The following ITPR1 variants were observed in gnomAD, a reference collection of about 807,000 sequenced individuals.
ITPR1 encodes inositol 1,4,5-trisphosphate receptor type 1, also known as inositol 1,4,5-trisphosphate-gated calcium channel ITPR1.
ITPR1 carries 96 observed loss-of-function variants against 318.4 expected under a neutral mutation model. That is an observed-to-expected ratio of 0.30 (90% CI 0.26 to 0.36). The LOEUF (loss-of-function observed/expected upper bound fraction) is 0.36. Ranked by LOEUF, ITPR1 falls within the 10% of genes least tolerant of loss-of-function variation. The pLI is 1.00. For missense variants in ITPR1, 2,440 were observed against 3,460.2 expected (o/e 0.71, Z 7.40); for synonymous variants, 1,312 against 1,289.9 (o/e 1.02, Z -0.37).
At chr3:4,603,243 T>G (rs2091433873) in intron 4 of ITPR1, among the ~76,000 whole-genome samples, 2 of 152,042 alleles carry the variant, frequency 1.3e-5, no homozygotes, top group African/African-American at 4.8e-5. Flanking sequence ...TTTTTAAAAT[T>G]TCAACTTTTA....
chr3:4,738,288 T>C (rs562890172), intron 44 of ITPR1, among the ~76,000 whole-genome samples: 1 of 152,354 alleles, frequency 6.6e-6, no homozygotes, highest in African/African-American at 2.4e-5. Flanking sequence ...ACCTATGTTA[T>C]ATGTCAATCA....
At position 4,704,835 on chromosome 3, in the gene ITPR1, C is replaced by T. The variant is rs545193262; in HGVS notation, c.4658-1332C>T. 2.0e-5 allele frequency among the ~76,000 whole-genome samples: 3 copies of T among 152,176 alleles called. No individual in the cohort carries two copies. In the South Asian group the frequency reaches 6.2e-4, roughly 32 times the overall value. ...GGTCGCTTCCTCATGACTAATACCA[C>T]ACCCAGAACCCACTGTGTTAGTTGT... On this transcript the variant is annotated intron_variant, in intron 36 of 61. Coordinates refer to ENST00000649015, the MANE Select transcript of ITPR1 (RefSeq NM_001378452.1).
intron 60 of ITPR1, among the ~76,000 whole-genome samples, chr3:4,828,115 T>C (rs2050201812): frequency 6.6e-6 from 1 of 152,016 alleles, no homozygotes; most frequent in Non-Finnish European, 1.5e-5. Flanking sequence ...TTGGTGAGGA[T>C]GTGTGTGTGT....
At chr3:4,743,945 C>A (rs912824388) in intron 44 of ITPR1, among the ~76,000 whole-genome samples, 2 of 152,206 alleles carry the variant, frequency 1.3e-5, no homozygotes, top group Admixed American at 1.3e-4. Context: ...AGCAATTCTC[C>A]TGTCTCAGCC....
At position 4,553,628 on chromosome 3, in the gene ITPR1, C is replaced by T. The variant is rs533796134; in HGVS notation, c.163+32534C>T. ...TTTTTTTTTTTTTTTGAGACAGAGT[C>T]TCCTTCTTGTCGCCCAGGCTGGAGT... On this transcript the variant is annotated intron_variant, in intron 4 of 61. Coordinates refer to ENST00000649015, the MANE Select transcript of ITPR1 (RefSeq NM_001378452.1). 4.6e-4 allele frequency among the ~76,000 whole-genome samples: 62 copies of T among 135,214 alleles called. No individual in the cohort carries two copies. In the South Asian group the frequency reaches 6.0e-3, roughly 13 times the overall value. The allele number at this position is 135,214 out of a possible 152,430, so 88.7% of individuals were successfully genotyped here.
chr3:4,744,267 C>A (rs889714329), intron 44 of ITPR1, among the ~76,000 whole-genome samples: 2 of 152,218 alleles, frequency 1.3e-5, no homozygotes, highest in Non-Finnish European at 2.9e-5. Context: ...GGCATCAATT[C>A]ATTTTATCCC....
chr3:4,535,856 C>G (rs1252199929), intron 4 of ITPR1, among the ~76,000 whole-genome samples: 1 of 152,096 alleles, frequency 6.6e-6, no homozygotes, highest in African/African-American at 2.4e-5. Flanking sequence ...TCTCCTAGTT[C>G]TGAGTACAGC....
chr3:4,500,182 C>G (rs762278284), intron 2 of ITPR1, among the ~76,000 whole-genome samples: 5 of 152,180 alleles, frequency 3.3e-5, no homozygotes, highest in South Asian at 2.1e-4. Flanking sequence ...AGCCTTTGCT[C>G]TTTTAAGAGG....
chr3:4,593,708 T>C (rs141252819), intron 4 of ITPR1, among the ~76,000 whole-genome samples: 5 of 152,356 alleles, frequency 3.3e-5, no homozygotes, highest in African/African-American at 1.2e-4. Flanking sequence ...AGTTCACTTA[T>C]AAGACATGAT....
At chr3:4,683,963 G>T (rs535074112) in intron 28 of ITPR1, among the ~76,000 whole-genome samples, 165 bp downstream of exon 28, 2 of 152,284 alleles carry the variant, frequency 1.3e-5, no homozygotes, top group East Asian at 3.9e-4. Context: ...AATAAGCTAC[G>T]AATCAAAGTT....
rs17710726 is a variant in ITPR1, at chr3:4,683,871, G to C, written c.3498+73G>C. 0.031 allele frequency: 41,506 copies of C among 1,343,746 alleles called. 787 individuals carry two copies. The highest frequency in any genetic ancestry group is 0.043 in the Middle Eastern group (236 of 5,472). 83.2% of individuals were successfully genotyped at this position (1,343,746 alleles called of 1,614,324 possible). ...CGAAACTAGGGAGCATCCTCTTCTG[G>C]TTTTAGGTATAAATGTGATAGGATT... is the stretch of plus-strand genomic sequence containing the variant. On this transcript the variant is annotated intron_variant, in intron 28 of 61. Transcript: ENST00000649015.
chr3:4,703,087 C>A (rs560761507), intron 36 of ITPR1, 137 bp downstream of exon 36: 2 of 948,782 alleles, frequency 2.1e-6, no homozygotes, highest in South Asian at 2.0e-5. Flanking sequence ...GACCCGGAAC[C>A]AAGGTCTTCT....
intron 24 of ITPR1, among the ~76,000 whole-genome samples, chr3:4,678,442 C>T (rs1043169464): frequency 6.6e-5 from 10 of 152,132 alleles, no homozygotes; most frequent in African/African-American, 2.2e-4. Flanking sequence ...GTCCACTCAC[C>T]GTGGTGACCT....
chr3:4,756,127 T>G (rs1235050027), intron 44 of ITPR1, among the ~76,000 whole-genome samples: 1 of 152,212 alleles, frequency 6.6e-6, no homozygotes, highest in African/African-American at 2.4e-5. Context: ...GTCAGACTTT[T>G]GCTGAAGTCG....
At chr3:4,592,611 C>A (rs1017366671) in intron 4 of ITPR1, among the ~76,000 whole-genome samples, 1 of 152,156 alleles carries the variant, frequency 6.6e-6, no homozygotes, top group Non-Finnish European at 1.5e-5. Flanking sequence ...ACACCCTCTC[C>A]ATGTTTCATC....
At chr3:4,554,680 G>A (rs1449147548) in intron 4 of ITPR1, among the ~76,000 whole-genome samples, 2 of 142,022 alleles carry the variant, frequency 1.4e-5, no homozygotes, top group African/African-American at 5.0e-5. Flanking sequence ...AGTTAACCCG[G>A]TGGTAACCTA....
At chr3:4,592,175 C>A (rs74360186) in intron 4 of ITPR1, among the ~76,000 whole-genome samples, 7,382 of 152,208 alleles carry the variant, frequency 0.048, 282 homozygotes, top group East Asian at 0.14. Context: ...TCACTAATGC[C>A]TACCTGCCAT....
chr3:4,608,429 ACACT>A (rs753313108), intron 4 of ITPR1, among the ~76,000 whole-genome samples: 8 of 152,202 alleles, frequency 5.3e-5, no homozygotes, highest in South Asian at 2.1e-4. Context: ...GCTTTTTGCT[ACACT>A]CACTCTGTTG....
In ITPR1 at chr3:4,768,666, G is replaced by A. The variant is rs2045976423; in HGVS notation, c.5881G>A (p.Ala1961Thr). The A allele has an allele frequency of 6.2e-7, 1 of 1,613,944 alleles. No homozygotes were observed. Among genetic ancestry groups the A allele is most frequent in the Middle Eastern group, 1.6e-4 (1 of 6,062 alleles). Residue 1961 changes from alanine to threonine, a missense_variant, in exon 46 of 62, where the codon GCC becomes ACC. Around this residue, in one of 23 missense-constraint regions of ITPR1, gnomAD observed 113 missense variants for 103.6 expected, o/e 1.09. Transcript: ENST00000649015. ...GGGCACCCAGGCCACTGCCGACAAG[G>A]CCAAGGACGACCTGGAGATGAGCGC... ...GEGTQATADK[A>T]KDDLEMSAVI...
Sources: gnomAD v4.1 joint callset for allele counts (sites outside exome capture counted in the v4.1 genomes callset) on GRCh38, gnomAD v4.1.1 for gene constraint, gnomAD v4.1.1 regional missense constraint, MANE v1.5 for transcripts, NCBI Gene and HGNC (gene_info 2026-07-23, HGNC 2026-07-21) for gene names.